The following VSTM2B variants were observed in gnomAD, a reference collection of about 807,000 sequenced individuals.
VSTM2B encodes V-set and transmembrane domain-containing protein 2B.
VSTM2B carries 24 observed loss-of-function variants against 24.0 expected under a neutral mutation model. The ratio of observed to expected loss-of-function variants is 1.00; its 90% CI spans 0.72 to 1.40. The LOEUF (loss-of-function observed/expected upper bound fraction) is 1.40, where lower values mean the gene tolerates loss of function less well. VSTM2B is among the 40% of genes most tolerant of loss of function. The pLI is 0.00. For missense variants in VSTM2B, 399 were observed against 416.4 expected, an observed-to-expected ratio of 0.96 and a Z score of 0.36; for synonymous variants, 226 against 194.4, an observed-to-expected ratio of 1.16 and a Z score of -1.35.
At chr19:29,547,560 G>T (rs1317432538) in intron 4 of VSTM2B, among the ~76,000 whole-genome samples, 1 of 152,204 alleles carries the variant, frequency 6.6e-6, no homozygotes, top group Non-Finnish European at 1.5e-5. Flanking sequence ...TTTGGGTGGG[G>T]CTGCTTGCTG....
chr19:29,526,447 C>A lies in VSTM2B; in HGVS notation c.-137C>A, dbSNP rs1207113904. 5 of 351,400 alleles carry A rather than the reference C, an allele frequency of 1.4e-5. No individual in the cohort carries two copies. The East Asian group carries it at 3.2e-4, about 22-fold the overall frequency. The allele number at this position is 351,400 out of a possible 1,614,324, so 21.8% of individuals were successfully genotyped here. ...AGCGGGGCTGATTGGCGGCCGCCGG[C>A]GGCCAGGGGAGGGGGCGCCGCGCGG... On this transcript the variant is annotated 5_prime_UTR_variant, in exon 1 of 5. Coordinates refer to ENST00000335523, the MANE Select transcript of VSTM2B (RefSeq NM_001146339.2). This position sits in a 1 kb window ranked among gnomAD's most constrained non-coding sequence, Gnocchi z 4.1.
At chr19:29,528,066 C>T (rs992446557) in intron 2 of VSTM2B, among the ~76,000 whole-genome samples, 6 of 152,238 alleles carry the variant, frequency 3.9e-5, no homozygotes, top group African/African-American at 1.4e-4. Flanking sequence ...GCCCTCCCTC[C>T]AGTTCTTCAC....
chr19:29,551,759 G>A (rs1300871264), intron 4 of VSTM2B, among the ~76,000 whole-genome samples: 1 of 152,092 alleles, frequency 6.6e-6, no homozygotes, highest in Non-Finnish European at 1.5e-5. Flanking sequence ...TCATGCTCCA[G>A]CGCTATTCCT....
chr19:29,528,606 G>A, intron 3 of VSTM2B, 144 bp downstream of exon 3: 1 of 1,056,464 alleles, frequency 9.5e-7, no homozygotes, highest in Non-Finnish European at 1.4e-6. Flanking sequence ...ATCGGTGGCT[G>A]CTCGGCGTGT....
intron 4 of VSTM2B, among the ~76,000 whole-genome samples, chr19:29,543,811 T>C (rs1970080478): frequency 6.6e-6 from 1 of 152,200 alleles, no homozygotes; most frequent in Non-Finnish European, 1.5e-5. Context: ...CAGGCTCCTC[T>C]CTTTCAAAAT....
chr19:29,557,811 T>G (rs987760348), intron 4 of VSTM2B, among the ~76,000 whole-genome samples: 1 of 151,760 alleles, frequency 6.6e-6, no homozygotes, highest in South Asian at 2.1e-4. Flanking sequence ...ATGACGAAAG[T>G]GTCAAAAGCA....
At chr19:29,563,087 G>C (rs1970571839) in intron 4 of VSTM2B, among the ~76,000 whole-genome samples, 1 of 152,156 alleles carries the variant, frequency 6.6e-6, no homozygotes, top group East Asian at 1.9e-4. Flanking sequence ...GTGGGAGTGT[G>C]AAGCTGTGCA....
At chr19:29,561,348 GCGTGGTGA>G (rs1568449122) in intron 4 of VSTM2B, among the ~76,000 whole-genome samples, 1 of 151,940 alleles carries the variant, frequency 6.6e-6, no homozygotes, top group African/African-American at 2.4e-5. Context: ...AAAAGGCCAG[GCGTGGTGA>G]CTCACACCTG....
intron 4 of VSTM2B, among the ~76,000 whole-genome samples, chr19:29,547,665 G>A (rs748889362): frequency 6.6e-6 from 1 of 152,160 alleles, no homozygotes; most frequent in South Asian, 2.1e-4. Flanking sequence ...AGGCACTTAG[G>A]GGGTAGCAGA....
intron 4 of VSTM2B, among the ~76,000 whole-genome samples, chr19:29,561,305 C>T (rs1330167216): frequency 6.7e-6 from 1 of 148,712 alleles, no homozygotes; most frequent in Non-Finnish European, 1.5e-5. Flanking sequence ...GAGTGAGACT[C>T]CATCTCAAAA....
intron 4 of VSTM2B, 34 bp from the exon 5 acceptor site, chr19:29,563,812 G>A: frequency 1.6e-5 from 25 of 1,540,646 alleles, no homozygotes; most frequent in Non-Finnish European, 2.1e-5. Flanking sequence ...TGAGACTCAG[G>A]TGTTAACCTT....
chr19:29,555,417 G>A (rs1970383409), intron 4 of VSTM2B, among the ~76,000 whole-genome samples: 2 of 152,118 alleles, frequency 1.3e-5, no homozygotes, highest in Admixed American at 1.3e-4. Flanking sequence ...TGTTAAGAGG[G>A]AAAATTATAG....
At chr19:29,553,949 T>A (rs1970347518) in intron 4 of VSTM2B, among the ~76,000 whole-genome samples, 1 of 152,116 alleles carries the variant, frequency 6.6e-6, no homozygotes, top group African/African-American at 2.4e-5. Flanking sequence ...TACAACTGAT[T>A]GAAGTGCCTG....
At position 29,526,577 on chromosome 19, in the gene VSTM2B, G is replaced by A. The variant is rs1969574012; in HGVS notation, c.-7G>A. The A allele has an allele frequency of 1.3e-6, 2 of 1,509,042 alleles. No homozygotes were observed. Among genetic ancestry groups the A allele is most frequent in the East Asian group, 2.6e-5 (1 of 37,860 alleles). The allele number at this position is 1,509,042 out of a possible 1,614,324, so 93.5% of individuals were successfully genotyped here. A position where few individuals can be genotyped will look rare whatever the true frequency, so the allele number is the denominator to read the frequency against. On this transcript the variant is annotated 5_prime_UTR_variant, in exon 1 of 5. Transcript: ENST00000335523. The surrounding 1 kb of genome is among the most constrained non-coding windows in gnomAD (Gnocchi z 4.1). The stretch of plus-strand genomic sequence containing the variant: ...GGCCCCCGCCGCCACCGCGCCCCCC[G>A]CGGGAGATGGAACAGCGGAACCGGC...
rs150482584 is a variant in VSTM2B at position 29,537,033 on chromosome 19, C to T, written c.769+6743C>T. Among the ~76,000 whole-genome samples the T allele has an allele frequency of 2.4e-3, 359 of 152,204 alleles. 1 individual carries two copies. The highest frequency in any genetic ancestry group is 8.2e-3 in the African/African-American group (341 of 41,516). ...ATAAAAGCATTATCTTTTTTATTCCCCCATGCTTAGCTGACTATCACCAGG... is the reference window on the plus strand; with the variant it reads ...ATAAAAGCATTATCTTTTTTATTCCTCCATGCTTAGCTGACTATCACCAGG... On this transcript the variant is annotated intron_variant, in intron 4 of 4. Coordinates refer to ENST00000335523, the MANE Select transcript of VSTM2B (RefSeq NM_001146339.2).
intron 4 of VSTM2B, among the ~76,000 whole-genome samples, chr19:29,539,078 G>A (rs1449456888): frequency 6.6e-6 from 1 of 152,106 alleles, no homozygotes; most frequent in Non-Finnish European, 1.5e-5. Flanking sequence ...AGAAAGATGG[G>A]GATGGTGCCA....
intron 4 of VSTM2B, among the ~76,000 whole-genome samples, chr19:29,547,527 C>T (rs1599895203): frequency 1.3e-5 from 2 of 152,156 alleles, no homozygotes; most frequent in Admixed American, 1.3e-4. Flanking sequence ...AGTTGCAACA[C>T]CAGGCAATTG....
At chr19:29,555,771 T>C (rs376242697) in intron 4 of VSTM2B, among the ~76,000 whole-genome samples, 6 of 152,128 alleles carry the variant, frequency 3.9e-5, no homozygotes, top group Admixed American at 1.3e-4. Context: ...CAGAGAATAC[T>C]ATAAACTCCT....
At position 29,530,045 on chromosome 19, in the gene VSTM2B, G is replaced by GC; in HGVS notation, c.527dup (p.Ala177SerfsTer85). On this transcript the variant is annotated frameshift_variant, in exon 4 of 5. Transcript: ENST00000335523. LOFTEE classifies it high-confidence loss of function. ...CAGAGCAGCGGCCCGCGTCGCCACG[G>GC]CCCAGCCAGCGCCGCCAACGCCAAC... is the stretch of plus-strand genomic sequence containing the variant. 6.6e-7 allele frequency: 1 copy of GC among 1,522,896 alleles called. No individual in the cohort carries two copies. The highest frequency in any genetic ancestry group is 8.8e-7 in the Non-Finnish European group (1 of 1,141,368). The allele number at this position is 1,522,896 out of a possible 1,614,324, so 94.3% of individuals were successfully genotyped here. A position where few individuals can be genotyped will look rare whatever the true frequency, so the allele number is the denominator to read the frequency against.
Sources: allele counts gnomAD v4.1 joint callset (sites outside exome capture counted in the v4.1 genomes callset), GRCh38; gene constraint gnomAD v4.1.1; non-coding constraint Gnocchi (gnomAD v3.1); transcripts MANE v1.5; gene names NCBI Gene and HGNC (gene_info 2026-07-23, HGNC 2026-07-21).